DLGAP2: variants seen among roughly 807,000 people sequenced by gnomAD.
DLGAP2 encodes disks large-associated protein 2.
DLGAP2 carries 26 observed loss-of-function variants against 100.3 expected under a neutral mutation model. That is an observed-to-expected ratio of 0.26 (90% confidence interval 0.19 to 0.36). The LOEUF (loss-of-function observed/expected upper bound fraction) is 0.36. Ranked by LOEUF, DLGAP2 falls within the 10% of genes least tolerant of loss-of-function variation. The pLI is 1.00. For missense variants in DLGAP2, 1,858 were observed against 1,453.2 expected, an observed-to-expected ratio of 1.28 and a Z score of -4.53; for synonymous variants, 886 against 630.1, an observed-to-expected ratio of 1.41 and a Z score of -6.08.
chr8:906,970 A>C (rs192977359), intron 1 of DLGAP2, among the ~76,000 whole-genome samples: 91 of 151,466 alleles, frequency 6.0e-4, no homozygotes, highest in African/African-American at 2.2e-3. Flanking sequence ...GAGAGGGGGG[A>C]TGGAGGAGAA....
intron 2 of DLGAP2, among the ~76,000 whole-genome samples, chr8:964,010 C>G (rs1231001613): frequency 6.6e-6 from 1 of 152,124 alleles, no homozygotes; most frequent in African/African-American, 2.4e-5. Context: ...TTTTTATAAT[C>G]TCAAACATTA....
At chr8:786,011 T>A (rs1227983105) in intron 1 of DLGAP2, among the ~76,000 whole-genome samples, 1 of 152,224 alleles carries the variant, frequency 6.6e-6, no homozygotes, top group Non-Finnish European at 1.5e-5. Context: ...CACCGAGGGC[T>A]GTGAGCCTTT....
chr8:1,067,535 G>A (rs879490924), intron 2 of DLGAP2, among the ~76,000 whole-genome samples: 1 of 151,970 alleles, frequency 6.6e-6, no homozygotes, highest in East Asian at 1.9e-4. Context: ...CCCGGCCCAC[G>A]CACGCCTGGG....
At chr8:1,456,958 C>G (rs11785279) in intron 3 of DLGAP2, among the ~76,000 whole-genome samples, 7 of 152,008 alleles carry the variant, frequency 4.6e-5, no homozygotes, top group African/African-American at 9.7e-5. Flanking sequence ...TCACAGCACA[C>G]TAATGAGCGC....
intron 1 of DLGAP2, among the ~76,000 whole-genome samples, chr8:869,230 G>A (rs1052508950): frequency 6.6e-6 from 1 of 152,142 alleles, no homozygotes; most frequent in Non-Finnish European, 1.5e-5. Flanking sequence ...ACGGTTCCTC[G>A]GTGGCTGGAA....
intron 2 of DLGAP2, among the ~76,000 whole-genome samples, chr8:923,443 C>T (rs1373240315): frequency 6.6e-6 from 1 of 152,216 alleles, no homozygotes; most frequent in Non-Finnish European, 1.5e-5. Context: ...CTCTGACCCT[C>T]CATTTTAATT....
At chr8:1,225,384 C>T (rs961676745) in intron 2 of DLGAP2, among the ~76,000 whole-genome samples, 1 of 152,128 alleles carries the variant, frequency 6.6e-6, no homozygotes, top group African/African-American at 2.4e-5. Context: ...CTGGTAAATC[C>T]ACAGATACAG....
At chr8:1,627,218 G>T (rs112972852) in intron 7 of DLGAP2, among the ~76,000 whole-genome samples, 1 of 152,164 alleles carries the variant, frequency 6.6e-6, no homozygotes, top group Non-Finnish European at 1.5e-5. Context: ...AGTAAAAGGG[G>T]GCCAGGGAAA....
chr8:1,001,186 G>A (rs1800945238), intron 2 of DLGAP2, among the ~76,000 whole-genome samples: 1 of 152,084 alleles, frequency 6.6e-6, no homozygotes, highest in Non-Finnish European at 1.5e-5. Context: ...AATGTTTTTG[G>A]AGGAGACTGG....
intron 2 of DLGAP2, among the ~76,000 whole-genome samples, chr8:1,164,626 C>G (rs1796978746): frequency 6.6e-6 from 1 of 151,898 alleles, no homozygotes; most frequent in Non-Finnish European, 1.5e-5. Flanking sequence ...AAGAGCCATG[C>G]TCAGAACCGC....
chr8:1,241,467 A>G (rs1252938296), intron 2 of DLGAP2, among the ~76,000 whole-genome samples: 2 of 151,954 alleles, frequency 1.3e-5, no homozygotes, highest in South Asian at 4.2e-4. Context: ...CGCGTTATTT[A>G]TTTCTTCCTT....
At chr8:1,371,341 C>G (rs550761106) in intron 3 of DLGAP2, among the ~76,000 whole-genome samples, 2 of 152,184 alleles carry the variant, frequency 1.3e-5, no homozygotes, top group African/African-American at 2.4e-5. Context: ...GCTGTATCCT[C>G]GTGGATGGCA....
At chr8:1,033,691 G>A (rs549994212) in intron 2 of DLGAP2, among the ~76,000 whole-genome samples, 4 of 152,098 alleles carry the variant, frequency 2.6e-5, no homozygotes, top group Non-Finnish European at 5.9e-5. Flanking sequence ...TGAGAACCGC[G>A]AGTGGATTCA....
At chr8:958,037 T>C (rs1167968502) in intron 2 of DLGAP2, among the ~76,000 whole-genome samples, 1 of 152,132 alleles carries the variant, frequency 6.6e-6, no homozygotes, top group Non-Finnish European at 1.5e-5. Context: ...ACAGCAGCCC[T>C]CGCTAACCCA....
intron 3 of DLGAP2, chr8:1,381,380 G>C (rs1412673684): frequency 3.9e-5 from 6 of 152,200 alleles, no homozygotes; most frequent in Admixed American, 2.6e-4. Flanking sequence ...CTGTGGGCCA[G>C]TTTGGCAATT....
chr8:1,037,088 A>T (rs890210010), intron 2 of DLGAP2, among the ~76,000 whole-genome samples: 3 of 152,002 alleles, frequency 2.0e-5, no homozygotes, highest in African/African-American at 7.3e-5. Flanking sequence ...GTGTCCCTGG[A>T]GAGTGGGCAG....
At chr8:1,001,736 T>G (rs1465439835) in intron 2 of DLGAP2, among the ~76,000 whole-genome samples, 1 of 152,230 alleles carries the variant, frequency 6.6e-6, no homozygotes, top group Non-Finnish European at 1.5e-5. Context: ...ACTATTGCTG[T>G]AACGTACACA....
chr8:1,662,527 T>C lies in DLGAP2; in HGVS notation c.1811-5802T>C, dbSNP rs56257330. Among the ~76,000 whole-genome samples, 1,207 of 152,356 alleles carry C rather than the reference T, an allele frequency of 7.9e-3. 16 individuals are homozygous for C. The highest frequency in any genetic ancestry group is 0.027 in the African/African-American group (1,116 of 41,580). On this transcript the variant is annotated intron_variant, in intron 8 of 14. Coordinates refer to ENST00000637795, the MANE Select transcript of DLGAP2 (RefSeq NM_001346810.2). ...GGTCATGAGAAATAAGGTTCTGCTA[T>C]GTAAATGGTCACAAAAAAGAAAACT...
At chr8:1,308,456 CA>C (rs1422704230) in intron 3 of DLGAP2, among the ~76,000 whole-genome samples, 1 of 152,190 alleles carries the variant, frequency 6.6e-6, no homozygotes, top group African/African-American at 2.4e-5. Flanking sequence ...CAGTTTTCAA[CA>C]AAATGACTAA....
Sources: allele counts gnomAD v4.1 joint callset (sites outside exome capture counted in the v4.1 genomes callset), GRCh38; gene constraint gnomAD v4.1.1; transcripts MANE v1.5; gene names NCBI Gene and HGNC (gene_info 2026-07-23, HGNC 2026-07-21).